Variants in RBPJ observed in about 807,000 individuals in gnomAD.
The protein encoded by RBPJ is recombination signal binding protein for immunoglobulin kappa J region.
Under a neutral mutation model 67.8 loss-of-function variants are expected in RBPJ, and 9 were observed. The ratio of observed to expected loss-of-function variants is 0.13; its 90% confidence interval spans 0.08 to 0.23. RBPJ has a LOEUF of 0.23. Ranked by LOEUF, RBPJ falls within the 10% of genes least tolerant of loss-of-function variation. RBPJ has a pLI of 1.00. For missense variants in RBPJ, 305 were observed against 595.6 expected (o/e 0.51, Z 5.08); for synonymous variants, 198 against 203.3 (o/e 0.97, Z 0.22).
chr4:26,415,354 A>T lies in RBPJ; in HGVS notation c.156-121A>T, dbSNP rs867405658. On this transcript the variant is annotated intron_variant, in intron 3 of 10. Transcript: ENST00000355476. Reference sequence around the variant, plus strand: ...ACAAAAGGCTTCACCAAAATTTTTCATTGGGGAATAGGTGCATTTCAATAT... The same window carrying T: ...ACAAAAGGCTTCACCAAAATTTTTCTTTGGGGAATAGGTGCATTTCAATAT... The T allele has an allele frequency of 4.0e-5, 35 of 867,352 alleles. No homozygotes were observed. The African/African-American group carries it at 5.2e-4, about 13-fold the overall frequency. The allele number at this position is 867,352 out of a possible 1,614,324, so 53.7% of individuals were successfully genotyped here. A position where few individuals can be genotyped will look rare whatever the true frequency, so the allele number is the denominator to read the frequency against.
chr4:26,403,693 T>C (rs1733090723), intron 2 of RBPJ, among the ~76,000 whole-genome samples: 1 of 152,228 alleles, frequency 6.6e-6, no homozygotes, highest in Non-Finnish European at 1.5e-5. Context: ...GCTTCATTTA[T>C]GTTCCCACAA....
chr4:26,310,814 C>T (rs1047103651), intron 1 of RBPJ, among the ~76,000 whole-genome samples: 3 of 151,854 alleles, frequency 2.0e-5, no homozygotes, highest in South Asian at 2.1e-4. Flanking sequence ...GGATTACAGG[C>T]GCCTGCCAAC....
chr4:26,269,698 T>C (rs183593647), intron 1 of RBPJ, among the ~76,000 whole-genome samples: 5 of 152,248 alleles, frequency 3.3e-5, no homozygotes, highest in African/African-American at 1.2e-4. Flanking sequence ...TAAGCTTTAG[T>C]GGAAGCTCAT....
the RBPJ span, among the ~76,000 whole-genome samples, chr4:26,109,440 C>G: frequency 3.2e-5 from 1 of 31,526 alleles, no homozygotes; most frequent in African/African-American, 2.2e-4. Context: ...CTCTCTCTCT[C>G]TCTCTCTCTC....
the RBPJ span, chr4:26,111,832 A>C: frequency 5.9e-6 from 1 of 168,448 alleles, no homozygotes; most frequent in Non-Finnish European, 1.3e-5. Context: ...AGAGTGACAC[A>C]TGGAGACCTC....
intron 1 of RBPJ, among the ~76,000 whole-genome samples, chr4:26,238,227 A>G (rs1160905631): frequency 6.6e-6 from 1 of 151,974 alleles, no homozygotes; most frequent in African/African-American, 2.4e-5. Flanking sequence ...GTGCCTGGCT[A>G]ATGTTTTTAT....
chr4:26,215,373 A>AG (rs1158456902), intron 1 of RBPJ, among the ~76,000 whole-genome samples: 2 of 72,164 alleles, frequency 2.8e-5, no homozygotes, highest in South Asian at 4.8e-4. Context: ...GAAGGAAGGA[A>AG]GAAGGGAGGG....
At chr4:26,158,157 T>C in the RBPJ span, among the ~76,000 whole-genome samples, 1 of 152,202 alleles carries the variant, frequency 6.6e-6, no homozygotes, top group African/African-American at 2.4e-5. Flanking sequence ...ATAGGCACTA[T>C]CTCCTATGTC....
intron 5 of RBPJ, among the ~76,000 whole-genome samples, chr4:26,422,604 T>G (rs1384109443): frequency 6.6e-6 from 1 of 152,196 alleles, no homozygotes; most frequent in Non-Finnish European, 1.5e-5. Flanking sequence ...TCATGGTTTT[T>G]GTTGTGGTTG....
At chr4:26,203,771 G>C (rs1161073946) in intron 1 of RBPJ, among the ~76,000 whole-genome samples, 1 of 152,214 alleles carries the variant, frequency 6.6e-6, no homozygotes, top group African/African-American at 2.4e-5. Context: ...GGCCACGGAG[G>C]TTGGCCTTTA....
intron 2 of RBPJ, among the ~76,000 whole-genome samples, chr4:26,389,481 G>A (rs953553520): frequency 2.7e-5 from 4 of 148,990 alleles, no homozygotes; most frequent in African/African-American, 7.5e-5. Flanking sequence ...GATATATACC[G>A]TTTTAGGCAT....
chr4:26,304,357 C>T (rs1405851832), intron 1 of RBPJ, among the ~76,000 whole-genome samples: 2 of 152,170 alleles, frequency 1.3e-5, no homozygotes, highest in Non-Finnish European at 2.9e-5. Context: ...TAAGTTTACA[C>T]CTAAGAGTAG....
intron 1 of RBPJ, among the ~76,000 whole-genome samples, chr4:26,197,208 G>A (rs1717799617): frequency 1.3e-5 from 2 of 152,130 alleles, no homozygotes; most frequent in Admixed American, 6.5e-5. Context: ...CCAGTGCTCG[G>A]TTGTCCTAGG....
At chr4:26,303,480 A>T (rs1248367685) in intron 1 of RBPJ, among the ~76,000 whole-genome samples, 11 of 150,480 alleles carry the variant, frequency 7.3e-5, no homozygotes, top group South Asian at 2.1e-4. Flanking sequence ...AATATAAAGA[A>T]ATATAATCTT....
At chr4:26,201,100 AG>A (rs1717966442) in intron 1 of RBPJ, among the ~76,000 whole-genome samples, 1 of 152,208 alleles carries the variant, frequency 6.6e-6, no homozygotes, top group Non-Finnish European at 1.5e-5. Flanking sequence ...TTCCCAAAAA[AG>A]GTTTGGAAAT....
chr4:26,290,244 C>CA (rs1187512333), intron 1 of RBPJ, among the ~76,000 whole-genome samples: 1 of 142,738 alleles, frequency 7.0e-6, no homozygotes, highest in African/African-American at 2.6e-5. Context: ...AAGACTGTGA[C>CA]AGGAGGTTCA....
intron 1 of RBPJ, among the ~76,000 whole-genome samples, chr4:26,211,659 A>G (rs1718426353): frequency 6.6e-6 from 1 of 152,166 alleles, no homozygotes; most frequent in Non-Finnish European, 1.5e-5. Flanking sequence ...GAGGGACAAC[A>G]TGTCTGCCCT....
intron 1 of RBPJ, among the ~76,000 whole-genome samples, chr4:26,198,897 T>A (rs535425688): frequency 6.6e-6 from 1 of 152,384 alleles, no homozygotes; most frequent in Admixed American, 6.5e-5. Context: ...TGTAAAATTA[T>A]TGTTTTGTTA....
chr4:26,164,348 C>T (rs1428685157), intron 1 of RBPJ, among the ~76,000 whole-genome samples: 1 of 152,216 alleles, frequency 6.6e-6, no homozygotes, highest in Non-Finnish European at 1.5e-5. Context: ...TACACTTGTA[C>T]ACCTATACAC....
Sources: gnomAD v4.1 joint callset for allele counts (sites outside exome capture counted in the v4.1 genomes callset) on GRCh38, gnomAD v4.1.1 for gene constraint, MANE v1.5 for transcripts, NCBI Gene and HGNC (gene_info 2026-07-23, HGNC 2026-07-21) for gene names.